TSPAN8: variants seen among roughly 807,000 people sequenced by gnomAD.
TSPAN8 encodes the protein tetraspanin 8.
TSPAN8 carries 21 observed loss-of-function variants against 32.8 expected under a neutral mutation model. The ratio of observed to expected loss-of-function variants is 0.64; its 90% CI spans 0.45 to 0.92. The LOEUF is 0.92. Ranked by LOEUF, TSPAN8 falls within the 40% of genes least tolerant of loss-of-function variation. The pLI, the probability that TSPAN8 is intolerant of heterozygous loss-of-function variation, is 0.00. For synonymous variants in TSPAN8, 95 were observed against 94.6 expected (o/e 1.00, Z -0.03); for missense variants, 269 against 281.9 (o/e 0.95, Z 0.33).
chr12:71,126,436 T>C (rs1425121748), intron 8 of TSPAN8, among the ~76,000 whole-genome samples: 3 of 152,100 alleles, frequency 2.0e-5, no homozygotes, highest in Non-Finnish European at 4.4e-5. Context: ...GAAAAAATAA[T>C]GGGATAAGAC....
At chr12:71,131,446 G>A (rs2137047009) in intron 7 of TSPAN8, among the ~76,000 whole-genome samples, 1 of 152,100 alleles carries the variant, frequency 6.6e-6, no homozygotes, top group South Asian at 2.1e-4. Context: ...GTCAAGGAAA[G>A]GGTAGTTTCC....
Position 71,125,111 on chromosome 12 carries a change from C to A in TSPAN8, c.*223G>T. On this transcript the variant is annotated 3_prime_UTR_variant, in exon 9 of 9. Coordinates refer to ENST00000247829, the MANE Select transcript of TSPAN8 (RefSeq NM_004616.3). The stretch of plus-strand genomic sequence containing the variant: ...AGAAAAGCACCAACGTAAACAGTTA[C>A]TTTTATTTTGAGTAAAAATACACAT... The A allele has an allele frequency of 2.2e-6, 1 of 449,622 alleles. No homozygotes were observed. The highest frequency in any genetic ancestry group is 3.5e-5 in the South Asian group (1 of 28,572). The allele number at this position is 449,622 out of a possible 1,614,324, so 27.9% of individuals were successfully genotyped here.
rs1187504085 is a variant in TSPAN8, at chr12:71,144,192, C to T, written c.82G>A (p.Ala28Thr). The T allele has an allele frequency of 6.2e-7, 1 of 1,611,520 alleles. No individual in the cohort carries two copies. The highest frequency in any genetic ancestry group is 1.7e-5 in the Admixed American group (1 of 59,922). Reference protein sequence around the residue: ...LFWLCGILILALAIWVRVSND... With the variant: ...LFWLCGILILTLAIWVRVSND... Reference sequence around the variant, plus strand: ...CTTACTCGTACCCATATTGCTAATGCTAGGATCAAGATACCACATAGCTGC... The same window carrying T: ...CTTACTCGTACCCATATTGCTAATGTTAGGATCAAGATACCACATAGCTGC... The change falls in exon 3 of 9, where the codon GCA becomes ACA. Residue 28 changes from alanine to threonine, a missense_variant. Ala to Thr is a moderately conservative substitution (Grantham distance 58). Coordinates refer to ENST00000247829, the MANE Select transcript of TSPAN8 (RefSeq NM_004616.3).
intron 2 of TSPAN8, among the ~76,000 whole-genome samples, chr12:71,150,197 T>C (rs1872207431): frequency 6.6e-6 from 1 of 152,176 alleles, no homozygotes. Context: ...CTGTTTTCTG[T>C]TGTTTAAGAT....
intron 3 of TSPAN8, 116 bp downstream of exon 3, chr12:71,144,035 G>T: frequency 1.2e-6 from 1 of 805,182 alleles, no homozygotes; most frequent in South Asian, 1.9e-5. Flanking sequence ...GTGATTACAT[G>T]AAGCAGTTAA....
At chr12:71,133,689 G>T (rs905142084) in intron 6 of TSPAN8, among the ~76,000 whole-genome samples, 1 of 152,092 alleles carries the variant, frequency 6.6e-6, no homozygotes, top group African/African-American at 2.4e-5. Context: ...AGAATGTCAG[G>T]AAAGTTACAG....
chr12:71,137,833 TAATC>T lies in TSPAN8; in HGVS notation c.444+116_444+119del, dbSNP rs1450787209. 8.5e-6 allele frequency: 7 copies of T among 827,386 alleles called. 1 individual carries two copies. In the South Asian group the frequency reaches 1.1e-4, roughly 13 times the overall value. 51.3% of individuals were successfully genotyped at this position (827,386 alleles called of 1,614,324 possible). On this transcript the variant is annotated intron_variant, in intron 6 of 8. Transcript: ENST00000247829. ...TTTTTCTTATTGCATGGTGACAGAA[TAATC>T]AATCAAAATCTGCAAAATGGAGACA...
chr12:71,132,887 T>C (rs1331728890), intron 6 of TSPAN8, 63 bp from the exon 7 acceptor site: 2 of 1,563,306 alleles, frequency 1.3e-6, no homozygotes, highest in East Asian at 4.5e-5. Flanking sequence ...TGGCAATACA[T>C]TAAATTATAA....
intron 2 of TSPAN8, among the ~76,000 whole-genome samples, chr12:71,156,269 CAAACAAAA>C (rs1872434042): frequency 3.1e-5 from 1 of 32,516 alleles, no homozygotes; most frequent in Non-Finnish European, 5.8e-5. Flanking sequence ...AAAAAAAAAA[CAAACAAAA>C]AAAAAACTAG....
At chr12:71,143,421 G>A (rs965427911) in intron 3 of TSPAN8, among the ~76,000 whole-genome samples, 2 of 152,142 alleles carry the variant, frequency 1.3e-5, no homozygotes, top group South Asian at 4.1e-4. Flanking sequence ...CCAATAGCTG[G>A]AGCCAGAATT....
intron 8 of TSPAN8, among the ~76,000 whole-genome samples, chr12:71,126,570 A>G (rs1419455193): frequency 1.3e-5 from 2 of 152,132 alleles, no homozygotes; most frequent in African/African-American, 4.8e-5. Context: ...TGATTGTTCA[A>G]AAAAAAGCAC....
At chr12:71,138,326 T>C (rs1871781772) in intron 4 of TSPAN8, 96 bp from the exon 5 acceptor site, 2 of 1,137,968 alleles carry the variant, frequency 1.8e-6, no homozygotes, top group East Asian at 2.4e-5. Context: ...GCTGGGATTA[T>C]ATCACAGTGA....
chr12:71,140,759 C>T (rs1871878352), intron 3 of TSPAN8, among the ~76,000 whole-genome samples: 1 of 152,148 alleles, frequency 6.6e-6, no homozygotes, highest in African/African-American at 2.4e-5. Flanking sequence ...AAGTAAATCA[C>T]AATTAAAAAG....
chr12:71,137,821 A>T, intron 6 of TSPAN8, 132 bp downstream of exon 6: 2 of 739,296 alleles, frequency 2.7e-6, no homozygotes, highest in Non-Finnish European at 4.3e-6. Context: ...TTCTTATTGC[A>T]TGGTGACAGA....
At chr12:71,142,465 C>A (rs1277432708) in intron 3 of TSPAN8, among the ~76,000 whole-genome samples, 1 of 152,186 alleles carries the variant, frequency 6.6e-6, no homozygotes, top group Non-Finnish European at 1.5e-5. Flanking sequence ...AGGCTACACA[C>A]ACATCTTGAA....
In TSPAN8 at chr12:71,154,058, C is replaced by T. The variant is rs569533714; in HGVS notation, c.60+3561G>A. ...GCGCGGTGCCTCATCCCTGTAATCC[C>T]AGCACTTTAGGAGGCAGAAGTAGAT... On this transcript the variant is annotated intron_variant, in intron 2 of 8. Coordinates refer to ENST00000247829, the MANE Select transcript of TSPAN8 (RefSeq NM_004616.3). Among the ~76,000 whole-genome samples the T allele has an allele frequency of 1.7e-3, 266 of 152,180 alleles. 5 individuals are homozygous for T. The South Asian group carries it at 0.023, about 13-fold the overall frequency.
At chr12:71,152,093 T>C (rs1872273291) in intron 2 of TSPAN8, among the ~76,000 whole-genome samples, 1 of 152,226 alleles carries the variant, frequency 6.6e-6, no homozygotes, top group South Asian at 2.1e-4. Flanking sequence ...AGTCCTTGGT[T>C]ACAGGTTTTC....
chr12:71,132,699 G>A lies in TSPAN8; in HGVS notation c.570C>T (p.Tyr190=). Residue 190 remains tyrosine, a synonymous_variant, in exon 7 of 9, where the codon TAC becomes TAT. Transcript: ENST00000247829. The part of the protein sequence containing the change: ...PCQSYNGKQV[Y]KETCISFIKD... The stretch of plus-strand genomic sequence containing the variant: ...AATGTGATTTAGTTCTCACCTCTTT[G>A]TAAACTTGTTTTCCATTATAGCTTT... The A allele has an allele frequency of 1.2e-6, 2 of 1,613,524 alleles. No homozygotes were observed. Among genetic ancestry groups the A allele is most frequent in the Non-Finnish European group, 8.5e-7 (1 of 1,179,820 alleles).
At chr12:71,132,950 C>T in intron 6 of TSPAN8, 126 bp from the exon 7 acceptor site, 1 of 1,091,896 alleles carries the variant, frequency 9.2e-7, no homozygotes. Context: ...TGTAAGTCAC[C>T]TTTCACCTTT....
Sources: allele counts gnomAD v4.1 joint callset (sites outside exome capture counted in the v4.1 genomes callset), GRCh38; gene constraint gnomAD v4.1.1; transcripts MANE v1.5; gene names NCBI Gene and HGNC (gene_info 2026-07-23, HGNC 2026-07-21).